MRTFB: variants seen among roughly 807,000 people sequenced by gnomAD.
MRTFB encodes myocardin-related transcription factor B.
MRTFB carries 29 observed loss-of-function variants against 104.2 expected under a neutral mutation model. That is an observed-to-expected ratio of 0.28 (90% CI 0.21 to 0.38). The LOEUF is 0.38. Among genes scored for constraint, MRTFB ranks in the 10% least tolerant of loss-of-function variants. The probability of loss-of-function intolerance (pLI) is 1.00; values close to 1 mark genes in which losing one functional copy is unlikely to be tolerated. For synonymous variants in MRTFB, 535 were observed against 519.5 expected (o/e 1.03, Z -0.41); for missense variants, 1,270 against 1,341.6 (o/e 0.95, Z 0.83).
At chr16:14,088,816 G>A (rs2034878905) in intron 2 of MRTFB, among the ~76,000 whole-genome samples, 1 of 152,066 alleles carries the variant, frequency 6.6e-6, no homozygotes, top group South Asian at 2.1e-4. Context: ...TTTTTCGTGA[G>A]GAAAAAGGAC....
intron 3 of MRTFB, among the ~76,000 whole-genome samples, chr16:14,180,679 C>A (rs2039738164): frequency 3.3e-5 from 5 of 152,242 alleles, no homozygotes; most frequent in Admixed American, 3.3e-4. Context: ...TCCCTTGTCC[C>A]ACACAGCACT....
chr16:14,101,915 G>T (rs924387781), intron 2 of MRTFB, among the ~76,000 whole-genome samples: 1 of 152,074 alleles, frequency 6.6e-6, no homozygotes, highest in Non-Finnish European at 1.5e-5. Context: ...TCTTCTCAGT[G>T]TCCCTATTAG....
intron 12 of MRTFB, chr16:14,247,821 T>C (rs546456532): frequency 3.4e-6 from 1 of 290,992 alleles, no homozygotes; most frequent in Non-Finnish European, 6.5e-6. Context: ...CTGAGCACTT[T>C]CTGGCAAGGC....
intron 2 of MRTFB, among the ~76,000 whole-genome samples, chr16:14,118,146 T>A (rs1292394531): frequency 1.3e-5 from 2 of 150,468 alleles, no homozygotes; most frequent in Non-Finnish European, 3.0e-5. Context: ...CTTTTTCTTT[T>A]TTTTTTGTGA....
Position 14,242,492 on chromosome 16 carries a change from A to G in MRTFB, c.1079+2008A>G, listed in dbSNP as rs189582103. 6.6e-5 allele frequency among the ~76,000 whole-genome samples: 10 copies of G among 152,306 alleles called. No homozygotes were observed. In the East Asian group the frequency reaches 1.9e-3, roughly 29 times the overall value. On this transcript the variant is annotated intron_variant, in intron 10 of 16. Coordinates refer to ENST00000571589, the MANE Select transcript of MRTFB (RefSeq NM_001308142.2). ...AAATGGAGGCCTTGTTTCCTAACGCATTGTTTATATTTATCAAAATTCCAT... is the reference window on the plus strand; with the variant it reads ...AAATGGAGGCCTTGTTTCCTAACGCGTTGTTTATATTTATCAAAATTCCAT...
intron 8 of MRTFB, among the ~76,000 whole-genome samples, chr16:14,229,060 A>AT: frequency 6.6e-6 from 1 of 152,288 alleles, no homozygotes; most frequent in South Asian, 2.1e-4. Flanking sequence ...TAAATAGTAA[A>AT]TTTTGTGTTA....
chr16:14,257,918 G>C (rs1043392413), intron 15 of MRTFB, among the ~76,000 whole-genome samples, 183 bp from the exon 16 acceptor site: 2 of 152,242 alleles, frequency 1.3e-5, no homozygotes, highest in African/African-American at 4.8e-5. Context: ...TGTTCTTGCT[G>C]TGTCAACTAA....
At chr16:14,061,018 A>C in the MRTFB span, among the ~76,000 whole-genome samples, 20 of 151,798 alleles carry the variant, frequency 1.3e-4, no homozygotes, top group Admixed American at 3.3e-4. Context: ...TGGTGGTGGG[A>C]GCCTGTAGTC....
At chr16:14,033,021 T>C in the MRTFB span, among the ~76,000 whole-genome samples, 2 of 151,018 alleles carry the variant, frequency 1.3e-5, no homozygotes, top group Admixed American at 6.6e-5. Context: ...TTTGTAGTTT[T>C]TTTTTTAGTA....
chr16:14,147,632 C>T (rs951696798), intron 3 of MRTFB, among the ~76,000 whole-genome samples: 10 of 152,220 alleles, frequency 6.6e-5, no homozygotes, highest in Middle Eastern at 3.4e-3. Context: ...TACCTTCTCC[C>T]GTTTGTAGCT....
intron 3 of MRTFB, among the ~76,000 whole-genome samples, chr16:14,175,339 T>G (rs1431842896): frequency 6.6e-6 from 1 of 152,212 alleles, no homozygotes; most frequent in Non-Finnish European, 1.5e-5. Context: ...TCTCAGTCTC[T>G]AGGCAACTAC....
chr16:14,064,208 C>T, the MRTFB span, among the ~76,000 whole-genome samples: 4 of 152,004 alleles, frequency 2.6e-5, no homozygotes, highest in Admixed American at 1.3e-4. Flanking sequence ...GGTTTTGATT[C>T]GCATTTTTCT....
chr16:14,175,966 G>A (rs2039568837), intron 3 of MRTFB, among the ~76,000 whole-genome samples: 1 of 152,104 alleles, frequency 6.6e-6, no homozygotes, highest in South Asian at 2.1e-4. Context: ...ACTGCAAAGG[G>A]GCAGGATAAA....
chr16:14,010,947 C>T, the MRTFB span, among the ~76,000 whole-genome samples: 1 of 152,168 alleles, frequency 6.6e-6, no homozygotes, highest in African/African-American at 2.4e-5. Flanking sequence ...ACAGTGTATT[C>T]TAGTATTGGA....
intron 2 of MRTFB, among the ~76,000 whole-genome samples, chr16:14,127,624 C>G (rs2037180140): frequency 7.3e-6 from 1 of 137,586 alleles, no homozygotes; most frequent in Non-Finnish European, 1.6e-5. Flanking sequence ...GCCTGGGGGA[C>G]AGAGCGAGAC....
At chr16:14,073,233 G>T (rs968359992) in intron 1 of MRTFB, among the ~76,000 whole-genome samples, 2 of 152,068 alleles carry the variant, frequency 1.3e-5, no homozygotes, top group Non-Finnish European at 2.9e-5. Flanking sequence ...AAAGACTCTC[G>T]TACCAGGCGA....
intron 3 of MRTFB, chr16:14,142,838 G>A (rs981704228): frequency 5.3e-5 from 8 of 152,140 alleles, no homozygotes; most frequent in Admixed American, 4.6e-4. Context: ...ATATAAGGTG[G>A]CAAGCCCAAA....
At chr16:14,247,845 C>T (rs905188309) in intron 12 of MRTFB, 27 of 230,140 alleles carry the variant, frequency 1.2e-4, no homozygotes, top group African/African-American at 5.0e-4. Context: ...GCATCTAGTA[C>T]TTTAAATGGC....
intron 3 of MRTFB, among the ~76,000 whole-genome samples, chr16:14,188,847 T>A (rs997512666): frequency 3.1e-4 from 47 of 152,228 alleles, no homozygotes; most frequent in Admixed American, 2.9e-3. Flanking sequence ...CTGTTTAAAT[T>A]TAAATTTTAA....
Sources: gnomAD v4.1 joint callset for allele counts (sites outside exome capture counted in the v4.1 genomes callset) on GRCh38, gnomAD v4.1.1 for gene constraint, MANE v1.5 for transcripts, NCBI Gene and HGNC (gene_info 2026-07-23, HGNC 2026-07-21) for gene names.